Variants in AP4E1 observed in about 807,000 individuals in gnomAD.
AP4E1 encodes AP-4 complex subunit epsilon-1.
AP4E1 carries 56 observed loss-of-function variants against 128.2 expected under a neutral mutation model. The observed-to-expected ratio is 0.44, with a 90% CI of 0.35 to 0.55. The LOEUF (loss-of-function observed/expected upper bound fraction) is 0.55, where lower values mean the gene tolerates loss of function less well. Ranked by LOEUF, AP4E1 falls within the 20% of genes least tolerant of loss-of-function variation. The pLI, the probability that AP4E1 is intolerant of heterozygous loss-of-function variation, is 0.00. For synonymous variants in AP4E1, 484 were observed against 473.1 expected, an observed-to-expected ratio of 1.02 and a Z score of -0.30; for missense variants, 1,324 against 1,307.7, an observed-to-expected ratio of 1.01 and a Z score of -0.19.
At chr15:50,927,765 G>A (rs17599863) in intron 5 of AP4E1, among the ~76,000 whole-genome samples, 19,337 of 151,780 alleles carry the variant, frequency 0.13, 1,497 homozygotes, top group South Asian at 0.2. Context: ...CACTTATTAA[G>A]AATCTTATAA....
rs1474166091 is a variant in AP4E1, at chr15:50,958,713, A to G, written c.1770A>G (p.Ala590=). 2 of 1,614,194 alleles carry G rather than the reference A, an allele frequency of 1.2e-6. No individual in the cohort carries two copies. The highest frequency in any genetic ancestry group is 1.3e-5 in the African/African-American group (1 of 75,074). ...TGGATACTTGTATGAGACAACATGC[A>G]TTTGAATTAAAACATTTGCATGAGA... ...ISLDTCMRQH[A]FELKHLHENV... The change falls in exon 14 of 21, where the codon GCA becomes GCG. Residue 590 remains alanine (A), a synonymous_variant. Transcript: ENST00000261842.
chr15:50,946,825 T>A (rs1047215448), intron 10 of AP4E1, among the ~76,000 whole-genome samples: 22 of 152,242 alleles, frequency 1.4e-4, no homozygotes, highest in African/African-American at 4.8e-4. Flanking sequence ...TGGTATTGGT[T>A]TTCCTTCATC....
chr15:50,967,080 A>G (rs2140891912), intron 14 of AP4E1, among the ~76,000 whole-genome samples: 1 of 152,090 alleles, frequency 6.6e-6, no homozygotes, highest in East Asian at 1.9e-4. Context: ...TCATTTATTC[A>G]TTAAAAATTA....
chr15:50,964,955 C>CCACACA (rs55825810), intron 14 of AP4E1, among the ~76,000 whole-genome samples: 5,526 of 131,400 alleles, frequency 0.042, 290 homozygotes, highest in African/African-American at 0.11. Flanking sequence ...CCTCCCCCTA[C>CCACACA]CACACACACA....
chr15:50,926,878 C>T (rs968516738), intron 5 of AP4E1, among the ~76,000 whole-genome samples: 1 of 152,194 alleles, frequency 6.6e-6, no homozygotes. Context: ...GCGTGAGCCA[C>T]CATGCCCGGC....
At chr15:50,945,427 G>T in intron 10 of AP4E1, 2 of 777,298 alleles carry the variant, frequency 2.6e-6, no homozygotes, top group Non-Finnish European at 4.8e-6. Flanking sequence ...CATTTTTACG[G>T]CAGCAAATGA....
intron 13 of AP4E1, among the ~76,000 whole-genome samples, chr15:50,956,240 C>T (rs2064221570): frequency 6.6e-6 from 1 of 152,042 alleles, no homozygotes; most frequent in African/African-American, 2.4e-5. Flanking sequence ...AGCTACCTTC[C>T]ATTTTTTATA....
intron 6 of AP4E1, 53 bp from the exon 7 acceptor site, chr15:50,930,752 A>G: frequency 1.9e-6 from 3 of 1,559,964 alleles, no homozygotes; most frequent in Non-Finnish European, 2.7e-6. Context: ...AATTAGGTCT[A>G]TTTCTATTTA....
chr15:50,978,506 G>A (rs1334049085), intron 15 of AP4E1, among the ~76,000 whole-genome samples: 4 of 152,156 alleles, frequency 2.6e-5, no homozygotes, highest in Non-Finnish European at 5.9e-5. Flanking sequence ...AAATGAGTGT[G>A]CATATAATTG....
intron 15 of AP4E1, among the ~76,000 whole-genome samples, chr15:50,972,056 C>G (rs55973448): frequency 0.019 from 2,815 of 152,066 alleles, 106 homozygotes; most frequent in African/African-American, 0.065. Context: ...TTGTATGAAT[C>G]TGGTGGAAAA....
At chr15:50,946,159 A>G (rs1051975778) in intron 10 of AP4E1, among the ~76,000 whole-genome samples, 3 of 152,212 alleles carry the variant, frequency 2.0e-5, no homozygotes, top group Non-Finnish European at 2.9e-5. Flanking sequence ...TGCCTAGTTG[A>G]TAAAGACTAT....
chr15:50,969,955 G>A (rs574965867), intron 15 of AP4E1, among the ~76,000 whole-genome samples: 7 of 152,172 alleles, frequency 4.6e-5, no homozygotes, highest in Non-Finnish European at 8.8e-5. Context: ...CACCATGCCC[G>A]GCCACATTCA....
chr15:50,988,472 A>T (rs1007415661), intron 16 of AP4E1, among the ~76,000 whole-genome samples: 12 of 151,604 alleles, frequency 7.9e-5, no homozygotes, highest in African/African-American at 2.9e-4. Flanking sequence ...CTGCCACCAT[A>T]CCCGGCTAAT....
At chr15:50,992,665 G>T (rs570383706) in intron 16 of AP4E1, among the ~76,000 whole-genome samples, 34 of 152,218 alleles carry the variant, frequency 2.2e-4, no homozygotes, top group African/African-American at 8.2e-4. Context: ...TTCAACTCAG[G>T]TGTAAAAATT....
intron 13 of AP4E1, among the ~76,000 whole-genome samples, chr15:50,956,640 C>G (rs13380277): frequency 0.17 from 26,065 of 152,056 alleles, 2,464 homozygotes; most frequent in African/African-American, 0.23. Context: ...ATAAAACCAT[C>G]AGCTCTCATG....
chr15:50,917,951 T>G (rs1297383994), intron 3 of AP4E1: 1 of 152,232 alleles, frequency 6.6e-6, no homozygotes, highest in African/African-American at 2.4e-5. Context: ...AATACAAAAA[T>G]TAGCCAGGCA....
chr15:50,963,380 G>A (rs1215813654), intron 14 of AP4E1, among the ~76,000 whole-genome samples: 1 of 152,176 alleles, frequency 6.6e-6, no homozygotes, highest in Non-Finnish European at 1.5e-5. Flanking sequence ...TAAGGAAAAT[G>A]TGGTATGTAT....
intron 8 of AP4E1, among the ~76,000 whole-genome samples, chr15:50,936,801 G>A (rs2063913430): frequency 6.6e-6 from 1 of 152,224 alleles, no homozygotes; most frequent in South Asian, 2.1e-4. Flanking sequence ...GGGCATGGTG[G>A]CGTGTTCCTG....
chr15:50,940,570 A>G (rs868853625), intron 8 of AP4E1, among the ~76,000 whole-genome samples: 3 of 152,196 alleles, frequency 2.0e-5, no homozygotes, highest in Admixed American at 6.5e-5. Flanking sequence ...ATATACTTCA[A>G]CTTGTACTAG....
Sources: allele counts gnomAD v4.1 joint callset (sites outside exome capture counted in the v4.1 genomes callset), GRCh38; gene constraint gnomAD v4.1.1; transcripts MANE v1.5; gene names NCBI Gene and HGNC (gene_info 2026-07-23, HGNC 2026-07-21).